NRG1: variants seen among roughly 807,000 people sequenced by gnomAD.
The protein encoded by NRG1 is neuregulin 1.
A neutral mutation model predicts 63.8 loss-of-function variants in NRG1; 18 were observed. The ratio of observed to expected loss-of-function variants is 0.28; its 90% CI spans 0.19 to 0.42. The LOEUF is 0.42. Among genes scored for constraint, NRG1 ranks in the 10% least tolerant of loss-of-function variants. NRG1 has a pLI of 1.00. For synonymous variants in NRG1, 302 were observed against 301.3 expected, an observed-to-expected ratio of 1.00 and a Z score of -0.02; for missense variants, 762 against 814.7, an observed-to-expected ratio of 0.94 and a Z score of 0.79.
chr8:32,057,865 C>T (rs1313818734), intron 1 of NRG1, among the ~76,000 whole-genome samples: 1 of 152,118 alleles, frequency 6.6e-6, no homozygotes, highest in African/African-American at 2.4e-5. Context: ...ACACCTTACC[C>T]TCAGGTTCCC....
intron 1 of NRG1, among the ~76,000 whole-genome samples, chr8:31,667,758 C>G (rs1456061559): frequency 6.6e-6 from 1 of 152,134 alleles, no homozygotes; most frequent in Non-Finnish European, 1.5e-5. Context: ...TCCTTTTCAT[C>G]CAAGCTCTCA....
At chr8:31,827,386 G>A (rs1212352375) in intron 1 of NRG1, among the ~76,000 whole-genome samples, 2 of 152,138 alleles carry the variant, frequency 1.3e-5, no homozygotes, top group African/African-American at 4.8e-5. Context: ...GTCACTGGGA[G>A]AAAATGGGCC....
intron 1 of NRG1, among the ~76,000 whole-genome samples, chr8:32,156,855 G>A (rs1421630236): frequency 6.6e-6 from 1 of 152,152 alleles, no homozygotes; most frequent in East Asian, 1.9e-4. Flanking sequence ...AGGACTGCAT[G>A]AGCCTAGGAG....
chr8:31,720,889 C>T (rs115757234), intron 1 of NRG1, among the ~76,000 whole-genome samples: 1 of 152,244 alleles, frequency 6.6e-6, no homozygotes, highest in African/African-American at 2.4e-5. Flanking sequence ...TAAAGGAATG[C>T]TTCATGGATA....
At chr8:32,269,101 T>C (rs1410823932) in intron 1 of NRG1, among the ~76,000 whole-genome samples, 2 of 152,070 alleles carry the variant, frequency 1.3e-5, no homozygotes, top group East Asian at 3.9e-4. Context: ...CTTCCCTCCC[T>C]TCTTTCCTTC....
chr8:32,230,817 TA>T (rs1171851068), intron 1 of NRG1, among the ~76,000 whole-genome samples: 2 of 152,144 alleles, frequency 1.3e-5, no homozygotes, highest in East Asian at 3.9e-4. Flanking sequence ...ATAATAATCT[TA>T]TCGGGGCAAT....
intron 1 of NRG1, among the ~76,000 whole-genome samples, chr8:32,057,043 T>A (rs1198585494): frequency 6.6e-6 from 1 of 152,158 alleles, no homozygotes; most frequent in Non-Finnish European, 1.5e-5. Flanking sequence ...GGATATGCAA[T>A]CACCAAATAC....
Position 32,720,649 on chromosome 8 carries a change from C to T in NRG1, c.503-7300C>T, listed in dbSNP as rs757835681. On this transcript the variant is annotated intron_variant, in intron 5 of 11. Coordinates refer to ENST00000356819, the Ensembl canonical transcript of NRG1. ...AGAAAATGTAGCTTTCTTGTAACTC[C>T]ATTTAGTCAATTATCCACTATGGGA... Among the ~76,000 whole-genome samples the T allele has an allele frequency of 1.3e-3, 200 of 152,116 alleles. 3 individuals carry two copies. Among genetic ancestry groups the T allele is most frequent in the Non-Finnish European group, 2.0e-3 (139 of 68,012 alleles).
chr8:31,833,263 A>G (rs1015165317), intron 1 of NRG1, among the ~76,000 whole-genome samples: 4 of 152,210 alleles, frequency 2.6e-5, no homozygotes, highest in African/African-American at 7.2e-5. Flanking sequence ...GTTGATGTCC[A>G]TATTCAACAG....
At chr8:31,728,431 G>T (rs1233924383) in intron 1 of NRG1, among the ~76,000 whole-genome samples, 4 of 151,988 alleles carry the variant, frequency 2.6e-5, no homozygotes, top group East Asian at 1.9e-4. Context: ...GCAAGTAATT[G>T]GTTATTTACT....
chr8:32,768,315 T>C (rs1048519626), downstream of NRG1, among the ~76,000 whole-genome samples: 1 of 152,208 alleles, frequency 6.6e-6, no homozygotes, highest in Non-Finnish European at 1.5e-5. Context: ...TCCTTCAGAC[T>C]AATGAAAATG....
chr8:32,525,761 T>C (rs778464729), intron 1 of NRG1, among the ~76,000 whole-genome samples: 1 of 152,152 alleles, frequency 6.6e-6, no homozygotes, highest in Non-Finnish European at 1.5e-5. Context: ...TGGTACTTGG[T>C]GCCTCCAATT....
intron 1 of NRG1, among the ~76,000 whole-genome samples, chr8:31,945,356 G>A (rs371225736): frequency 4.6e-5 from 7 of 151,944 alleles, no homozygotes; most frequent in East Asian, 3.9e-4. Flanking sequence ...GAGTCCTTTC[G>A]CCAAGTCATC....
chr8:32,117,220 G>A lies in NRG1; in HGVS notation c.37+477789G>A, dbSNP rs367925309. On this transcript the variant is annotated intron_variant, in intron 1 of 10. Transcript: ENST00000519301. ...AAATAACCTGTGAAATCACCCAACC[G>A]TAGTATTTATCTATGAGAATGTTTC... is the stretch of plus-strand genomic sequence containing the variant. Among the ~76,000 whole-genome samples, 39 of 152,076 alleles carry A rather than the reference G, an allele frequency of 2.6e-4. 1 individual carries two copies. Among genetic ancestry groups the A allele is most frequent in the Middle Eastern group, 3.4e-3 (1 of 294 alleles).
At chr8:31,934,420 CTTTTTTTTTTT>C (rs1554580265) in intron 1 of NRG1, among the ~76,000 whole-genome samples, 6 of 108,078 alleles carry the variant, frequency 5.6e-5, no homozygotes, top group African/African-American at 2.5e-4. Context: ...TATTCGCTCT[CTTTTTTTTTTT>C]TTTTTTTTTT....
chr8:31,926,718 C>T (rs1471645435), intron 1 of NRG1, among the ~76,000 whole-genome samples: 2 of 152,214 alleles, frequency 1.3e-5, no homozygotes, highest in South Asian at 2.1e-4. Flanking sequence ...TTCAAGCTGT[C>T]AAAACCCCAG....
At chr8:32,645,993 G>T (rs1052074865) in intron 5 of NRG1, among the ~76,000 whole-genome samples, 1 of 152,190 alleles carries the variant, frequency 6.6e-6, no homozygotes, top group African/African-American at 2.4e-5. Context: ...CTTTCAGTGC[G>T]GTGATAGCTG....
At chr8:32,262,122 C>T (rs1002933985) in intron 1 of NRG1, among the ~76,000 whole-genome samples, 1 of 152,024 alleles carries the variant, frequency 6.6e-6, no homozygotes, top group African/African-American at 2.4e-5. Context: ...GAGCGTAAAC[C>T]ACATGATGTG....
chr8:32,118,985 C>G (rs759264540), intron 1 of NRG1, among the ~76,000 whole-genome samples: 8 of 152,086 alleles, frequency 5.3e-5, no homozygotes, highest in Non-Finnish European at 1.2e-4. Context: ...AGAATCTGGT[C>G]TGGATTATGC....
Sources: allele counts gnomAD v4.1 joint callset (sites outside exome capture counted in the v4.1 genomes callset), GRCh38; gene constraint gnomAD v4.1.1; transcripts MANE v1.5; gene names NCBI Gene and HGNC (gene_info 2026-07-23, HGNC 2026-07-21).